Variants in TTC23L observed in about 807,000 individuals in gnomAD.
TTC23L encodes the protein tetratricopeptide repeat domain 23 like, also known as tetratricopeptide repeat protein 23-like.
Under a neutral mutation model 48.1 loss-of-function variants are expected in TTC23L, and 42 were observed. That is an observed-to-expected ratio of 0.87 (90% confidence interval 0.68 to 1.13). The LOEUF (loss-of-function observed/expected upper bound fraction) is 1.13. TTC23L is among the 50% of genes most tolerant of loss of function. TTC23L has a pLI of 0.00. For missense variants in TTC23L, 391 were observed against 421.0 expected (o/e 0.93, Z 0.62); for synonymous variants, 159 against 157.2 (o/e 1.01, Z -0.09).
Position 34,863,114 on chromosome 5 carries a change from G to A in TTC23L, c.536+60G>A. 7.5e-6 allele frequency: 12 copies of A among 1,601,840 alleles called. No homozygotes were observed. Among genetic ancestry groups the A allele is most frequent in the Non-Finnish European group, 1.0e-5 (12 of 1,172,778 alleles). The stretch of plus-strand genomic sequence containing the variant: ...GGGCCACAGGCCACACATGCCAGAT[G>A]GGTCATCTCATACAGGAGGGTGGGA... On this transcript the variant is annotated intron_variant, in intron 5 of 10. Coordinates refer to ENST00000505624, the Ensembl canonical transcript of TTC23L. The surrounding 1 kb of genome is among the most constrained non-coding windows in gnomAD (Gnocchi z 4.1).
intron 4 of TTC23L, among the ~76,000 whole-genome samples, chr5:34,859,233 G>A (rs1404361805): frequency 2.0e-5 from 3 of 152,114 alleles, no homozygotes; most frequent in Admixed American, 2.0e-4. Context: ...ACTCCTAACG[G>A]CCCACCTACT....
At chr5:34,857,890 C>G (rs547850626) in intron 4 of TTC23L, among the ~76,000 whole-genome samples, 1 of 152,250 alleles carries the variant, frequency 6.6e-6, no homozygotes, top group East Asian at 1.9e-4. Flanking sequence ...CTTTTAATTA[C>G]CGTGCCACAG....
the TTC23L span, chr5:34,922,352 T>C: frequency 9.4e-7 from 1 of 1,058,974 alleles, no homozygotes; most frequent in South Asian, 1.4e-5. Context: ...GTACCTTTTA[T>C]GTTATAGACT....
At chr5:34,854,568 T>C (rs1390363402) in intron 4 of TTC23L, among the ~76,000 whole-genome samples, 2 of 152,226 alleles carry the variant, frequency 1.3e-5, no homozygotes, top group East Asian at 3.8e-4. Flanking sequence ...CTAACTGCTT[T>C]AAAGTGGACA....
At chr5:34,845,759 G>A in intron 3 of TTC23L, 86 bp downstream of exon 3, 2 of 1,319,342 alleles carry the variant, frequency 1.5e-6, no homozygotes, top group Non-Finnish European at 2.1e-6. Context: ...GCAGATTGAA[G>A]CATATGAAAT....
downstream of TTC23L, chr5:34,902,345 G>C (rs1386762646): frequency 3.4e-6 from 1 of 292,928 alleles, no homozygotes; most frequent in Non-Finnish European, 7.1e-6. Flanking sequence ...GAACCTGGGA[G>C]GTGGAGGTTG....
the TTC23L span, chr5:34,915,011 G>T: frequency 9.2e-7 from 1 of 1,088,980 alleles, no homozygotes; most frequent in African/African-American, 1.6e-5. Context: ...GAGGTCCGGC[G>T]AGCTCCACCT....
the TTC23L span, chr5:34,919,071 T>G: frequency 6.7e-6 from 1 of 148,160 alleles, no homozygotes; most frequent in Admixed American, 6.8e-5. Flanking sequence ...GGCAACATGG[T>G]GAAACCCTGT....
chr5:34,856,551 G>C (rs1254446281), intron 4 of TTC23L, among the ~76,000 whole-genome samples: 1 of 152,200 alleles, frequency 6.6e-6, no homozygotes, highest in Non-Finnish European at 1.5e-5. Flanking sequence ...CAGAACTAAA[G>C]AGGGGAAATG....
intron 8 of TTC23L, among the ~76,000 whole-genome samples, chr5:34,878,964 T>C (rs770802529): frequency 6.6e-4 from 101 of 152,244 alleles, no homozygotes; most frequent in African/African-American, 2.1e-3. Flanking sequence ...CAGTGGATGA[T>C]TGGATAAAGA....
At chr5:34,898,375 C>A (rs1763359155) in intron 10 of TTC23L, among the ~76,000 whole-genome samples, 1 of 152,140 alleles carries the variant, frequency 6.6e-6, no homozygotes, top group Admixed American at 6.6e-5. Flanking sequence ...GACAAGCAGT[C>A]TGACACAGTC....
chr5:34,858,675 G>C (rs1373519392), intron 4 of TTC23L, among the ~76,000 whole-genome samples: 5 of 135,962 alleles, frequency 3.7e-5, no homozygotes, highest in Non-Finnish European at 6.7e-5. Context: ...ATAGAAAAAG[G>C]CTTCAGATAA....
chr5:34,911,447 A>C, the TTC23L span: 8 of 1,379,420 alleles, frequency 5.8e-6, no homozygotes, highest in East Asian at 1.8e-4. Flanking sequence ...TAAAGTTGTG[A>C]AAACTCTAAA....
intron 1 of TTC23L, chr5:34,839,692 T>C: frequency 1.0e-6 from 1 of 984,196 alleles, no homozygotes; most frequent in Non-Finnish European, 1.2e-6. Flanking sequence ...GAATTAGTGA[T>C]TCTGGAGGGT....
chr5:34,883,752 A>G (rs1001662426), intron 9 of TTC23L, among the ~76,000 whole-genome samples: 1 of 152,240 alleles, frequency 6.6e-6, no homozygotes, highest in African/African-American at 2.4e-5. Flanking sequence ...GTAGACATTT[A>G]ATCAGTAATC....
chr5:34,871,522 C>A (rs955257229), intron 8 of TTC23L, among the ~76,000 whole-genome samples: 1 of 152,134 alleles, frequency 6.6e-6, no homozygotes, highest in African/African-American at 2.4e-5. Context: ...AAAATCCCAA[C>A]AGAAGCATTT....
downstream of TTC23L, among the ~76,000 whole-genome samples, chr5:34,903,124 G>T (rs1207181795): frequency 1.3e-5 from 2 of 152,042 alleles, no homozygotes; most frequent in Non-Finnish European, 2.9e-5. Flanking sequence ...ATTTTATGGT[G>T]TACCTGTTCC....
In TTC23L at chr5:34,863,420, T is replaced by TA. The variant is rs1760823462; in HGVS notation, c.536+369dup. Among the ~76,000 whole-genome samples, 1 of 152,080 alleles carries TA rather than the reference T, an allele frequency of 6.6e-6. No individual in the cohort carries two copies. Among genetic ancestry groups the TA allele is most frequent in the Non-Finnish European group, 1.5e-5 (1 of 68,012 alleles). On this transcript the variant is annotated intron_variant, in intron 5 of 10. Transcript: ENST00000505624. The surrounding 1 kb of genome is among the most constrained non-coding windows in gnomAD (Gnocchi z 4.1). The stretch of plus-strand genomic sequence containing the variant: ...GTGATGGAGAGAATGGGTGATAATT[T>TA]AAAGCACAATTTGGCAAACTAGGCT...
intron 10 of TTC23L, among the ~76,000 whole-genome samples, chr5:34,897,515 G>A (rs974464846): frequency 1.3e-5 from 2 of 151,936 alleles, no homozygotes; most frequent in African/African-American, 4.8e-5. Context: ...TAGTGACGAG[G>A]TCTCACTATG....
Sources: gnomAD v4.1 joint callset for allele counts (sites outside exome capture counted in the v4.1 genomes callset) on GRCh38, gnomAD v4.1.1 for gene constraint, Gnocchi (gnomAD v3.1) non-coding constraint, MANE v1.5 for transcripts, NCBI Gene and HGNC (gene_info 2026-07-23, HGNC 2026-07-21) for gene names.